GPHN: variants seen among roughly 807,000 people sequenced by gnomAD.
GPHN encodes gephyrin.
A neutral mutation model predicts 95.5 loss-of-function variants in GPHN; 17 were observed. The observed-to-expected ratio is 0.18, with a 90% confidence interval of 0.12 to 0.27. The LOEUF (loss-of-function observed/expected upper bound fraction) is 0.27, where lower values mean the gene tolerates loss of function less well. Ranked by LOEUF, GPHN falls within the 10% of genes least tolerant of loss-of-function variation. GPHN has a pLI of 1.00. For synonymous variants in GPHN, 320 were observed against 322.5 expected (o/e 0.99, Z 0.08); for missense variants, 660 against 978.1 (o/e 0.67, Z 4.34).
the GPHN span, chr14:67,503,507 A>G: frequency 6.6e-6 from 1 of 152,214 alleles, no homozygotes; most frequent in Non-Finnish European, 1.5e-5. Flanking sequence ...AGCATTTCCC[A>G]TCCCTGCATG....
chr14:67,461,779 G>A, the GPHN span, among the ~76,000 whole-genome samples: 3 of 152,244 alleles, frequency 2.0e-5, no homozygotes, highest in African/African-American at 7.2e-5. Flanking sequence ...CTGCTGGTCA[G>A]CAAATCTGAG....
At chr14:67,604,532 C>CAAACAAA in the GPHN span, among the ~76,000 whole-genome samples, 932 of 151,020 alleles carry the variant, frequency 6.2e-3, 9 homozygotes, top group African/African-American at 0.022. Flanking sequence ...CTGACTCTAC[C>CAAACAAA]AAACAAAAAA....
At chr14:66,700,818 G>A (rs1230150406) in intron 2 of GPHN, among the ~76,000 whole-genome samples, 1 of 152,074 alleles carries the variant, frequency 6.6e-6, no homozygotes, top group Non-Finnish European at 1.5e-5. Flanking sequence ...AGCTACTTGG[G>A]AAGCTGAGGC....
the GPHN span, chr14:67,454,438 C>T: frequency 6.6e-6 from 1 of 152,246 alleles, no homozygotes; most frequent in Non-Finnish European, 1.5e-5. Context: ...AACTGCATGG[C>T]ATCCCCTCAC....
chr14:67,026,787 T>C (rs1178402992), intron 10 of GPHN, among the ~76,000 whole-genome samples: 3 of 152,164 alleles, frequency 2.0e-5, no homozygotes, highest in Non-Finnish European at 2.9e-5. Context: ...GGACTACAGG[T>C]GCCCGCCACC....
At chr14:66,780,017 T>C (rs1351363696) in intron 3 of GPHN, among the ~76,000 whole-genome samples, 1 of 152,054 alleles carries the variant, frequency 6.6e-6, no homozygotes, top group Non-Finnish European at 1.5e-5. Context: ...GAAAACAAGA[T>C]TTGAAAAATA....
chr14:67,724,392 GT>G, the GPHN span: 240,965 of 650,902 alleles, frequency 0.37, 18,351 homozygotes, highest in Non-Finnish European at 0.42. Flanking sequence ...GCTGGATAGA[GT>G]TTTTTTTTTT....
At chr14:66,667,394 C>T (rs1199393988) in intron 1 of GPHN, among the ~76,000 whole-genome samples, 8 of 152,220 alleles carry the variant, frequency 5.3e-5, no homozygotes, top group Non-Finnish European at 1.2e-4. Flanking sequence ...CACTACCCAA[C>T]TTCAAACTAT....
chr14:67,338,879 C>T, the GPHN span: 1 of 781,516 alleles, frequency 1.3e-6, no homozygotes, highest in East Asian at 3.0e-5. Flanking sequence ...AAACCTGGTA[C>T]TTTTATTAAT....
the GPHN span, among the ~76,000 whole-genome samples, chr14:67,560,104 G>A: frequency 3.9e-5 from 6 of 152,034 alleles, no homozygotes; most frequent in Non-Finnish European, 5.9e-5. Flanking sequence ...TCGGCTTACC[G>A]CAACCTCCGC....
Position 66,896,922 on chromosome 14 carries a change from T to G in GPHN, c.389+16889T>G, listed in dbSNP as rs1314773020. The stretch of plus-strand genomic sequence containing the variant: ...TAAAATTTTCCCATAGAACACTGCT[T>G]AGTTTCTCATATTCAAACTTGATAA... On this transcript the variant is annotated intron_variant, in intron 5 of 22. Coordinates refer to ENST00000478722, the MANE Select transcript of GPHN (RefSeq NM_020806.5). Among the ~76,000 whole-genome samples, 4 of 152,290 alleles carry G rather than the reference T, an allele frequency of 2.6e-5. No homozygotes were observed. The East Asian group carries it at 5.8e-4, about 22-fold the overall frequency.
At chr14:67,326,980 G>T in the GPHN span, among the ~76,000 whole-genome samples, 3 of 152,122 alleles carry the variant, frequency 2.0e-5, no homozygotes, top group South Asian at 6.2e-4. Context: ...TTTGAGACCA[G>T]CCTGGCTAAC....
In GPHN at chr14:66,776,451, C is replaced by T. The variant is rs767891827; in HGVS notation, c.144-13C>T. 2.7e-5 allele frequency: 39 copies of T among 1,468,328 alleles called. 1 individual carries two copies. In the South Asian group the frequency reaches 4.3e-4, roughly 16 times the overall value. The allele number at this position is 1,468,328 out of a possible 1,614,324, so 91.0% of individuals were successfully genotyped here. A position where few individuals can be genotyped will look rare whatever the true frequency, so the allele number is the denominator to read the frequency against. ...TTGCTGGTTTTGAGAATATTTTCTTCTCCTAATTTCAGGTTGGGTGGGACT... is the reference window on the plus strand; with the variant it reads ...TTGCTGGTTTTGAGAATATTTTCTTTTCCTAATTTCAGGTTGGGTGGGACT... On this transcript the variant is annotated splice_polypyrimidine_tract_variant and intron_variant, in intron 2 of 22. Coordinates refer to ENST00000478722, the MANE Select transcript of GPHN (RefSeq NM_020806.5).
At chr14:67,240,296 G>A in the GPHN span, among the ~76,000 whole-genome samples, 10 of 152,182 alleles carry the variant, frequency 6.6e-5, no homozygotes, top group Non-Finnish European at 1.3e-4. Flanking sequence ...CAACCCATAG[G>A]CTGTCCAGAG....
the GPHN span, among the ~76,000 whole-genome samples, chr14:67,304,977 A>C: frequency 0.16 from 23,841 of 152,118 alleles, 3,543 homozygotes; most frequent in East Asian, 0.42. Flanking sequence ...GTTTTCCCTT[A>C]ATTTTTTACA....
chr14:66,932,549 T>C (rs569551944), intron 8 of GPHN, among the ~76,000 whole-genome samples: 1 of 135,914 alleles, frequency 7.4e-6, no homozygotes, highest in South Asian at 2.5e-4. Flanking sequence ...GGGCCTGGGA[T>C]GGGAGGCTTT....
intron 5 of GPHN, among the ~76,000 whole-genome samples, chr14:66,892,503 G>GA (rs1385706974): frequency 1.3e-5 from 2 of 152,142 alleles, no homozygotes; most frequent in African/African-American, 4.8e-5. Flanking sequence ...CCAAAAGTTG[G>GA]AAGCAACCCA....
At chr14:67,161,629 C>T (rs1250242656) in intron 19 of GPHN, among the ~76,000 whole-genome samples, 1 of 152,014 alleles carries the variant, frequency 6.6e-6, no homozygotes, top group Non-Finnish European at 1.5e-5. Flanking sequence ...GGTGTGGTGG[C>T]ACATGCCTGT....
At chr14:66,665,808 T>G (rs957363082) in intron 1 of GPHN, among the ~76,000 whole-genome samples, 4 of 152,162 alleles carry the variant, frequency 2.6e-5, no homozygotes, top group African/African-American at 9.7e-5. Flanking sequence ...ACACATATGT[T>G]TATTGTGGCA....
Sources: gnomAD v4.1 joint callset for allele counts (sites outside exome capture counted in the v4.1 genomes callset) on GRCh38, gnomAD v4.1.1 for gene constraint, MANE v1.5 for transcripts, NCBI Gene and HGNC (gene_info 2026-07-23, HGNC 2026-07-21) for gene names.